KCNJ6: variants seen among roughly 807,000 people sequenced by gnomAD.
The protein encoded by KCNJ6 is G protein-activated inward rectifier potassium channel 2.
A neutral mutation model predicts 34.2 loss-of-function variants in KCNJ6; 9 were observed. The observed-to-expected ratio is 0.26, with a 90% CI of 0.16 to 0.46. The LOEUF is 0.46. Among genes scored for constraint, KCNJ6 ranks in the 20% least tolerant of loss-of-function variants. The probability of loss-of-function intolerance (pLI) is 1.00; values close to 1 mark genes in which losing one functional copy is unlikely to be tolerated. For missense variants in KCNJ6, 236 were observed against 531.3 expected, an observed-to-expected ratio of 0.44 and a Z score of 5.46; for synonymous variants, 196 against 207.1, an observed-to-expected ratio of 0.95 and a Z score of 0.46.
chr21:37,870,272 G>A (rs1031410894), intron 1 of KCNJ6, among the ~76,000 whole-genome samples: 1 of 128,488 alleles, frequency 7.8e-6, no homozygotes, highest in Non-Finnish European at 1.5e-5. Context: ...ATAGGCACAT[G>A]GCATTGTATC....
chr21:37,825,264 G>T (rs1171115599), intron 2 of KCNJ6, among the ~76,000 whole-genome samples: 1 of 152,054 alleles, frequency 6.6e-6, no homozygotes, highest in African/African-American at 2.4e-5. Flanking sequence ...CTATACCGTA[G>T]GACATTTTGA....
intron 2 of KCNJ6, among the ~76,000 whole-genome samples, chr21:37,814,339 A>G (rs1424581692): frequency 2.0e-5 from 3 of 152,222 alleles, no homozygotes; most frequent in Non-Finnish European, 4.4e-5. Context: ...GAGAATGCAA[A>G]TTAGTACAAC....
At chr21:37,663,543 T>G (rs2054499765) in intron 3 of KCNJ6, among the ~76,000 whole-genome samples, 2 of 151,416 alleles carry the variant, frequency 1.3e-5, no homozygotes, top group South Asian at 4.1e-4. Context: ...GAAGCTAAAA[T>G]AATAGGAAGG....
intron 2 of KCNJ6, among the ~76,000 whole-genome samples, chr21:37,840,226 T>C (rs1268718262): frequency 6.6e-6 from 1 of 152,232 alleles, no homozygotes; most frequent in Non-Finnish European, 1.5e-5. Context: ...AATAGTTCTG[T>C]CTGAAATTTC....
intron 3 of KCNJ6, 107 bp from the exon 4 acceptor site, chr21:37,625,591 C>G (rs2054307288): frequency 1.4e-6 from 1 of 726,600 alleles, no homozygotes; most frequent in African/African-American, 1.8e-5. Context: ...TTGAGACTGA[C>G]CTGCATACGA....
chr21:37,707,108 A>AG (rs5843852), intron 3 of KCNJ6, among the ~76,000 whole-genome samples: 152,367 of 152,368 alleles, frequency 1, 76,183 homozygotes, highest in Non-Finnish European at 1. Flanking sequence ...CATTCATGGC[A>AG]GTACCCGGGC....
chr21:37,718,131 G>A (rs190273535), intron 2 of KCNJ6, among the ~76,000 whole-genome samples: 76 of 152,286 alleles, frequency 5.0e-4, no homozygotes, highest in Non-Finnish European at 9.3e-4. Context: ...GGCCCATCTG[G>A]AGTTGAGTGT....
At chr21:37,912,959 A>G (rs1290187768) in intron 1 of KCNJ6, among the ~76,000 whole-genome samples, 1 of 152,240 alleles carries the variant, frequency 6.6e-6, no homozygotes, top group Non-Finnish European at 1.5e-5. Context: ...ACAAAACAGG[A>G]AAGCAGCCAG....
intron 2 of KCNJ6, among the ~76,000 whole-genome samples, chr21:37,836,958 C>T (rs976860674): frequency 1.3e-5 from 2 of 152,122 alleles, no homozygotes; most frequent in Non-Finnish European, 2.9e-5. Context: ...TGAACTGCCA[C>T]ACTTAGTTTG....
chr21:37,630,420 A>G lies in KCNJ6; in HGVS notation c.947-4936T>C, dbSNP rs7279639. 6.2e-3 allele frequency among the ~76,000 whole-genome samples: 941 copies of G among 152,236 alleles called. 6 individuals are homozygous for G. Among genetic ancestry groups the G allele is most frequent in the African/African-American group, 0.021 (871 of 41,520 alleles). ...AGTGCTTCAATATTGGAGGTTCCCA[A>G]TAAGTACTTGCTAAGTGAAAAGAGT... is the stretch of plus-strand genomic sequence containing the variant. On this transcript the variant is annotated intron_variant, in intron 3 of 3. Coordinates refer to ENST00000609713, the MANE Select transcript of KCNJ6 (RefSeq NM_002240.5).
chr21:37,851,896 G>C (rs549103255), intron 1 of KCNJ6, among the ~76,000 whole-genome samples: 190 of 137,864 alleles, frequency 1.4e-3, no homozygotes, highest in African/African-American at 4.6e-3. Context: ...AGCTCTCTGA[G>C]TTCTTTTTTT....
intron 2 of KCNJ6, among the ~76,000 whole-genome samples, chr21:37,806,606 C>A (rs1002270115): frequency 3.9e-5 from 6 of 152,152 alleles, no homozygotes; most frequent in African/African-American, 1.4e-4. Flanking sequence ...GTTTATTTGG[C>A]AAGTGATCAG....
chr21:37,913,067 C>CT (rs1212654375), intron 1 of KCNJ6, among the ~76,000 whole-genome samples: 1 of 152,226 alleles, frequency 6.6e-6, no homozygotes, highest in East Asian at 1.9e-4. Flanking sequence ...GGATGGCACT[C>CT]TGACAGGCAT....
chr21:37,843,172 T>C (rs1481080609), intron 1 of KCNJ6, among the ~76,000 whole-genome samples: 4 of 152,198 alleles, frequency 2.6e-5, no homozygotes, highest in African/African-American at 9.7e-5. Flanking sequence ...ACTTTATCTC[T>C]TGTGACCTAA....
rs1164912872 is a variant in KCNJ6, at chr21:37,617,415, A to G, written c.*7744T>C. On this transcript the variant is annotated 3_prime_UTR_variant, in exon 4 of 4. Coordinates refer to ENST00000609713, the MANE Select transcript of KCNJ6 (RefSeq NM_002240.5). ...TTCATATTTTTAGTAGAGGCGGGGT[A>G]TTACCATATTGGCCAGGCTGGTCTC... is the stretch of plus-strand genomic sequence containing the variant. 1 of 152,040 alleles carries G rather than the reference A, an allele frequency of 6.6e-6. No individual in the cohort carries two copies. Among genetic ancestry groups the G allele is most frequent in the East Asian group, 1.9e-4 (1 of 5,178 alleles). The allele number at this position is 152,040 out of a possible 1,614,324, so 9.4% of individuals were successfully genotyped here. A position where few individuals can be genotyped will look rare whatever the true frequency, so the allele number is the denominator to read the frequency against.
intron 2 of KCNJ6, among the ~76,000 whole-genome samples, chr21:37,792,249 C>T (rs1205905938): frequency 1.3e-5 from 2 of 152,226 alleles, no homozygotes; most frequent in African/African-American, 4.8e-5. Flanking sequence ...GGTGTTTTGG[C>T]ACAAGCTTCA....
At position 37,884,860 on chromosome 21, in the gene KCNJ6, C is replaced by A. The variant is rs1462782188; in HGVS notation, c.-28+31024G>T. 3.3e-5 allele frequency among the ~76,000 whole-genome samples: 5 copies of A among 152,200 alleles called. No homozygotes were observed. The East Asian group carries it at 9.6e-4, about 29-fold the overall frequency. ...ATAATGTGCGTCTCACTTCTACAGT[C>A]AGAATAAAATAATGGAGGGCATTAA... On this transcript the variant is annotated intron_variant, in intron 1 of 3. Transcript: ENST00000609713.
intron 1 of KCNJ6, among the ~76,000 whole-genome samples, chr21:37,877,553 A>G (rs1296503355): frequency 6.6e-6 from 1 of 152,222 alleles, no homozygotes; most frequent in East Asian, 1.9e-4. Context: ...CTGTTAATGC[A>G]TCAAACCTAA....
In KCNJ6 at chr21:37,622,579, A is replaced by G. The variant is rs551707384; in HGVS notation, c.*2580T>C. ...AGATTCAGAGGCTCACATTACAAAA[A>G]CGAGATTTGGTTCAAGTTCTGTCTC... is the stretch of plus-strand genomic sequence containing the variant. On this transcript the variant is annotated 3_prime_UTR_variant, in exon 4 of 4. Coordinates refer to ENST00000609713, the MANE Select transcript of KCNJ6 (RefSeq NM_002240.5). 2 of 152,312 alleles carry G rather than the reference A, an allele frequency of 1.3e-5. No individual in the cohort carries two copies. Among genetic ancestry groups the G allele is most frequent in the East Asian group, 3.9e-4 (2 of 5,176 alleles). 9.4% of individuals were successfully genotyped at this position (152,312 alleles called of 1,614,324 possible). A position where few individuals can be genotyped will look rare whatever the true frequency, so the allele number is the denominator to read the frequency against.
Sources: gnomAD v4.1 joint callset for allele counts (sites outside exome capture counted in the v4.1 genomes callset) on GRCh38, gnomAD v4.1.1 for gene constraint, MANE v1.5 for transcripts, NCBI Gene and HGNC (gene_info 2026-07-23, HGNC 2026-07-21) for gene names.